The following BMPR1B variants were observed in gnomAD, a reference collection of about 807,000 sequenced individuals.
BMPR1B encodes the protein bone morphogenetic protein receptor type-1B.
BMPR1B carries 12 observed loss-of-function variants against 59.1 expected under a neutral mutation model. The observed-to-expected ratio is 0.20, with a 90% CI of 0.13 to 0.33. The LOEUF (loss-of-function observed/expected upper bound fraction) is 0.33. BMPR1B is among the 10% of genes least tolerant of loss of function. BMPR1B has a pLI of 1.00. For synonymous variants in BMPR1B, 237 were observed against 207.3 expected, an observed-to-expected ratio of 1.14 and a Z score of -1.23; for missense variants, 550 against 610.9, an observed-to-expected ratio of 0.90 and a Z score of 1.05.
At chr4:95,007,597 T>C (rs947903514) in intron 3 of BMPR1B, among the ~76,000 whole-genome samples, 3 of 152,224 alleles carry the variant, frequency 2.0e-5, no homozygotes, top group African/African-American at 7.2e-5. Flanking sequence ...AAATTATAAC[T>C]CCTGTTGTAA....
At chr4:95,047,229 T>G (rs1389324419) in intron 3 of BMPR1B, among the ~76,000 whole-genome samples, 1 of 152,166 alleles carries the variant, frequency 6.6e-6, no homozygotes. Flanking sequence ...GCTCCAAACT[T>G]TATTCAGATT....
chr4:95,103,072 C>G (rs1380514223), intron 3 of BMPR1B, among the ~76,000 whole-genome samples: 1 of 151,864 alleles, frequency 6.6e-6, no homozygotes, highest in Non-Finnish European at 1.5e-5. Flanking sequence ...AGATGCACAT[C>G]TTTTATAAAT....
chr4:94,962,510 A>G (rs1730410830), intron 2 of BMPR1B, among the ~76,000 whole-genome samples: 1 of 151,994 alleles, frequency 6.6e-6, no homozygotes, highest in African/African-American at 2.4e-5. Context: ...TCTGGTAACC[A>G]TCATCCTGCT....
intron 2 of BMPR1B, among the ~76,000 whole-genome samples, chr4:94,908,061 TA>T (rs571793477): frequency 0.04 from 1,859 of 46,160 alleles, 4 homozygotes; most frequent in African/African-American, 0.053. Context: ...ACCCTGTCTT[TA>T]AAAAAAAAAA....
chr4:95,064,613 A>G (rs1727661810), intron 3 of BMPR1B, among the ~76,000 whole-genome samples: 1 of 152,218 alleles, frequency 6.6e-6, no homozygotes, highest in Non-Finnish European at 1.5e-5. Context: ...TAATGGAAGA[A>G]TATATTTGCA....
intron 3 of BMPR1B, among the ~76,000 whole-genome samples, chr4:95,002,397 C>T (rs1388887193): frequency 1.3e-5 from 2 of 152,036 alleles, no homozygotes; most frequent in Non-Finnish European, 1.5e-5. Context: ...TCACCTAGGT[C>T]GACCCCATGT....
At chr4:94,776,303 A>C (rs1722368162) in intron 1 of BMPR1B, among the ~76,000 whole-genome samples, 1 of 152,208 alleles carries the variant, frequency 6.6e-6, no homozygotes, top group Non-Finnish European at 1.5e-5. Context: ...TGATCAAAGA[A>C]CAGTAAAACA....
intron 1 of BMPR1B, among the ~76,000 whole-genome samples, chr4:94,847,715 A>G (rs9307148): frequency 0.61 from 93,155 of 151,902 alleles, 29,581 homozygotes; most frequent in African/African-American, 0.78. Context: ...GTTCTTGTTC[A>G]TTTGTGGGAG....
intron 3 of BMPR1B, among the ~76,000 whole-genome samples, chr4:95,039,817 T>G (rs1019089434): frequency 2.6e-5 from 4 of 152,178 alleles, no homozygotes; most frequent in African/African-American, 9.7e-5. Flanking sequence ...TATTTTCTAT[T>G]TGGCCCAAGA....
At chr4:94,871,248 G>C (rs1257137115) in intron 1 of BMPR1B, among the ~76,000 whole-genome samples, 1 of 152,150 alleles carries the variant, frequency 6.6e-6, no homozygotes, top group Non-Finnish European at 1.5e-5. Flanking sequence ...AAAGTACCGT[G>C]TGCTTATTAT....
At chr4:94,893,767 A>T (rs1237422767) in intron 2 of BMPR1B, among the ~76,000 whole-genome samples, 5 of 146,702 alleles carry the variant, frequency 3.4e-5, no homozygotes, top group African/African-American at 1.3e-4. Context: ...ATGTAAATGG[A>T]TGATATTAAA....
At chr4:95,069,127 C>A (rs1728080258) in intron 3 of BMPR1B, among the ~76,000 whole-genome samples, 1 of 152,148 alleles carries the variant, frequency 6.6e-6, no homozygotes, top group African/African-American at 2.4e-5. Context: ...CTATCGACAC[C>A]ATTAAGTGAG....
At chr4:95,006,651 C>G (rs10023544) in intron 3 of BMPR1B, among the ~76,000 whole-genome samples, 62,333 of 150,688 alleles carry the variant, frequency 0.41, 13,720 homozygotes, top group East Asian at 0.71. Context: ...AAGAGATTCT[C>G]CTGCCTCAGC....
At chr4:95,121,373 G>C (rs1309207947) in intron 6 of BMPR1B, among the ~76,000 whole-genome samples, 1 of 152,170 alleles carries the variant, frequency 6.6e-6, no homozygotes, top group Admixed American at 6.5e-5. Context: ...TTTGATCTGG[G>C]CATGCAGTGT....
At chr4:94,804,479 G>C (rs1034558786) in intron 1 of BMPR1B, among the ~76,000 whole-genome samples, 8 of 152,068 alleles carry the variant, frequency 5.3e-5, no homozygotes, top group Non-Finnish European at 1.2e-4. Context: ...TTTTAACTAT[G>C]GCTGTACCTA....
At chr4:95,145,629 AG>A (rs1317340555) in intron 10 of BMPR1B, among the ~76,000 whole-genome samples, 1 of 152,240 alleles carries the variant, frequency 6.6e-6, no homozygotes, top group Non-Finnish European at 1.5e-5. Flanking sequence ...ATTTGGGAAC[AG>A]GTAAAATGAT....
intron 2 of BMPR1B, among the ~76,000 whole-genome samples, chr4:94,932,735 C>T (rs1578817536): frequency 6.6e-6 from 1 of 151,996 alleles, no homozygotes; most frequent in African/African-American, 2.4e-5. Context: ...CATTAATATA[C>T]ATAATAATAA....
chr4:95,081,853 G>A (rs1387070290), intron 3 of BMPR1B, among the ~76,000 whole-genome samples: 1 of 152,170 alleles, frequency 6.6e-6, no homozygotes, highest in African/African-American at 2.4e-5. Flanking sequence ...ATTGAGTGCA[G>A]AAGCAAACAT....
At chr4:94,938,187 C>G (rs1453422969) in intron 2 of BMPR1B, among the ~76,000 whole-genome samples, 1 of 152,094 alleles carries the variant, frequency 6.6e-6, no homozygotes, top group African/African-American at 2.4e-5. Flanking sequence ...TCATAGTCCT[C>G]TTATGTGTGT....
Sources: gnomAD v4.1 joint callset for allele counts (sites outside exome capture counted in the v4.1 genomes callset) on GRCh38, gnomAD v4.1.1 for gene constraint, MANE v1.5 for transcripts, NCBI Gene and HGNC (gene_info 2026-07-23, HGNC 2026-07-21) for gene names.